The following RGS7 variants were observed in gnomAD, a reference collection of about 807,000 sequenced individuals.
RGS7 encodes regulator of G-protein signaling 7.
A neutral mutation model predicts 81.1 loss-of-function variants in RGS7; 27 were observed. The ratio of observed to expected loss-of-function variants is 0.33; its 90% confidence interval spans 0.25 to 0.46. The LOEUF is 0.46. Ranked by LOEUF, RGS7 falls within the 20% of genes least tolerant of loss-of-function variation. The pLI is 1.00. For synonymous variants in RGS7, 208 were observed against 207.7 expected, an observed-to-expected ratio of 1.00 and a Z score of -0.01; for missense variants, 396 against 607.4, an observed-to-expected ratio of 0.65 and a Z score of 3.66.
At chr1:241,231,474 T>C (rs2075658743) in intron 2 of RGS7, among the ~76,000 whole-genome samples, 1 of 152,088 alleles carries the variant, frequency 6.6e-6, no homozygotes, top group African/African-American at 2.4e-5. Context: ...TTTTGCCATG[T>C]TGGGCAGGCT....
chr1:240,811,284 T>A (rs1194806225), intron 14 of RGS7, among the ~76,000 whole-genome samples: 1 of 152,248 alleles, frequency 6.6e-6, no homozygotes, highest in African/African-American at 2.4e-5. Context: ...TCCACTCTAA[T>A]GTCTTATATT....
intron 2 of RGS7, among the ~76,000 whole-genome samples, chr1:241,113,214 C>T (rs948086226): frequency 2.0e-5 from 3 of 152,046 alleles, no homozygotes; most frequent in African/African-American, 7.2e-5. Context: ...TTCCTGACAA[C>T]GATTCTCAAT....
chr1:240,841,519 T>G (rs544528156), intron 9 of RGS7, among the ~76,000 whole-genome samples: 1 of 152,288 alleles, frequency 6.6e-6, no homozygotes, highest in African/African-American at 2.4e-5. Flanking sequence ...AGATATAAAC[T>G]AAGAAAAGAT....
At chr1:240,812,194 T>C in intron 13 of RGS7, 151 bp from the exon 14 acceptor site, 2 of 774,138 alleles carry the variant, frequency 2.6e-6, no homozygotes, top group Non-Finnish European at 4.3e-6. Context: ...CGGCTCTGCA[T>C]GAAATCATCG....
intron 2 of RGS7, among the ~76,000 whole-genome samples, chr1:241,187,825 C>T (rs976115321): frequency 9.2e-5 from 14 of 152,162 alleles, no homozygotes; most frequent in African/African-American, 3.4e-4. Flanking sequence ...AATAAAGGAA[C>T]TGTTTAGCTT....
chr1:241,263,379 C>A (rs982849213), intron 2 of RGS7, among the ~76,000 whole-genome samples: 8 of 152,158 alleles, frequency 5.3e-5, no homozygotes, highest in Admixed American at 3.9e-4. Context: ...ACAGCCCTGT[C>A]TCTGGGGAAC....
chr1:241,289,685 G>A (rs1437421537), intron 2 of RGS7, among the ~76,000 whole-genome samples: 1 of 152,152 alleles, frequency 6.6e-6, no homozygotes, highest in African/African-American at 2.4e-5. Context: ...AAGCACATGA[G>A]TTCCTGAGCA....
At chr1:240,823,502 C>G in intron 10 of RGS7, 2 of 183,922 alleles carry the variant, frequency 1.1e-5, no homozygotes, top group South Asian at 2.0e-4. Flanking sequence ...CCGCCATCGA[C>G]GCGGTGCCCG....
At chr1:240,858,000 T>G (rs1049651291) in intron 9 of RGS7, among the ~76,000 whole-genome samples, 4 of 152,198 alleles carry the variant, frequency 2.6e-5, no homozygotes, top group African/African-American at 9.6e-5. Context: ...GATTGTAAGT[T>G]TCCTGAGACC....
intron 2 of RGS7, among the ~76,000 whole-genome samples, chr1:241,174,897 T>G (rs891564432): frequency 2.3e-4 from 4 of 17,366 alleles, no homozygotes; most frequent in African/African-American, 8.1e-4. Context: ...AGAATTTTGT[T>G]TTTTTTTTTT....
intron 2 of RGS7, among the ~76,000 whole-genome samples, chr1:241,190,414 A>G (rs1339525279): frequency 2.0e-5 from 3 of 152,122 alleles, no homozygotes; most frequent in African/African-American, 7.2e-5. Flanking sequence ...GTTTGTGAAG[A>G]ACTGAGACTT....
chr1:241,168,610 G>A (rs937001979), intron 2 of RGS7, among the ~76,000 whole-genome samples: 29 of 152,074 alleles, frequency 1.9e-4, no homozygotes, highest in African/African-American at 7.0e-4. Flanking sequence ...AAGGTTGGGG[G>A]ATTTTGCAGA....
intron 15 of RGS7, 127 bp from the exon 16 acceptor site, chr1:240,803,120 G>A: frequency 1.4e-6 from 1 of 703,280 alleles, no homozygotes; most frequent in Non-Finnish European, 2.6e-6. Flanking sequence ...ATGCTGATTA[G>A]AATACCTTCT....
At chr1:241,033,350 A>G (rs2060175771) in intron 3 of RGS7, among the ~76,000 whole-genome samples, 1 of 151,794 alleles carries the variant, frequency 6.6e-6, no homozygotes, top group Admixed American at 6.6e-5. Context: ...GAGTCCATCT[A>G]AAAAAAAGCT....
At chr1:241,243,839 C>T (rs893916208) in intron 2 of RGS7, among the ~76,000 whole-genome samples, 8 of 152,136 alleles carry the variant, frequency 5.3e-5, no homozygotes, top group Admixed American at 5.2e-4. Flanking sequence ...ATTTCTATTG[C>T]AAGAAGTAAA....
intron 2 of RGS7, among the ~76,000 whole-genome samples, chr1:241,311,247 G>A (rs779435487): frequency 2.2e-4 from 33 of 152,026 alleles, no homozygotes; most frequent in Non-Finnish European, 4.3e-4. Context: ...ACAGAAAATT[G>A]AGCAATAAAA....
chr1:241,325,825 G>A (rs1176749799), intron 2 of RGS7, among the ~76,000 whole-genome samples: 1 of 152,082 alleles, frequency 6.6e-6, no homozygotes, highest in Non-Finnish European at 1.5e-5. Flanking sequence ...AGAGGAGGAG[G>A]AAATAGAATA....
intron 4 of RGS7, among the ~76,000 whole-genome samples, chr1:240,972,848 C>CAAAAAAA (rs35291771): frequency 1.3e-5 from 1 of 74,970 alleles, no homozygotes; most frequent in Non-Finnish European, 2.6e-5. Context: ...CCCCGCCTCT[C>CAAAAAAA]AAAAAAAAAA....
intron 10 of RGS7, among the ~76,000 whole-genome samples, chr1:240,819,948 C>T (rs899655942): frequency 2.0e-5 from 3 of 152,060 alleles, no homozygotes; most frequent in Admixed American, 6.6e-5. Flanking sequence ...ATAGTGATAG[C>T]GTTTAACTTT....
Sources: allele counts gnomAD v4.1 joint callset (sites outside exome capture counted in the v4.1 genomes callset), GRCh38; gene constraint gnomAD v4.1.1; transcripts MANE v1.5; gene names NCBI Gene and HGNC (gene_info 2026-07-23, HGNC 2026-07-21).